CDR2: variants seen among roughly 807,000 people sequenced by gnomAD.
CDR2 encodes cerebellar degeneration-related protein 2.
Under a neutral mutation model 48.4 loss-of-function variants are expected in CDR2, and 34 were observed. That is an observed-to-expected ratio of 0.70 (90% CI 0.53 to 0.94). The LOEUF is 0.94. Among genes scored for constraint, CDR2 ranks in the 40% least tolerant of loss-of-function variants. The pLI is 0.00. For synonymous variants in CDR2, 240 were observed against 219.7 expected (o/e 1.09, Z -0.82); for missense variants, 498 against 549.5 (o/e 0.91, Z 0.94).
At chr16:22,359,850 G>A (rs1183799405) in intron 2 of CDR2, among the ~76,000 whole-genome samples, 2 of 150,956 alleles carry the variant, frequency 1.3e-5, no homozygotes, top group East Asian at 1.9e-4. Flanking sequence ...ACAAAGTATT[G>A]ATTACCTAGT....
chr16:22,356,710 G>A (rs1032441266), intron 2 of CDR2, among the ~76,000 whole-genome samples: 1 of 151,924 alleles, frequency 6.6e-6, no homozygotes, highest in Admixed American at 6.6e-5. Flanking sequence ...CCGAGATCAC[G>A]CCACTGCACT....
rs12051316 is a variant in CDR2 at position 22,355,351 on chromosome 16, G to A, written c.193-5502C>T. ...CTAATGCCTTTACGATCCCCTATCCGGGGGGATGCAGTTCTCCTGGCTGCT... is the reference window on the plus strand; with the variant it reads ...CTAATGCCTTTACGATCCCCTATCCAGGGGGATGCAGTTCTCCTGGCTGCT... On this transcript the variant is annotated intron_variant, in intron 2 of 4. Transcript: ENST00000268383. Among the ~76,000 whole-genome samples, 94 of 152,240 alleles carry A rather than the reference G, an allele frequency of 6.2e-4. 1 individual carries two copies. Among genetic ancestry groups the A allele is most frequent in the East Asian group, 1.2e-3 (6 of 5,184 alleles).
rs2049035955 is a variant in CDR2, at chr16:22,364,981, A to C, written c.113T>G (p.Leu38Ter). The C allele has an allele frequency of 6.2e-7, 1 of 1,613,294 alleles. No homozygotes were observed. Among genetic ancestry groups the C allele is most frequent in the African/African-American group, 1.3e-5 (1 of 74,902 alleles). The change falls in exon 2 of 5, where the codon TTA becomes TGA. Residue 38 changes from leucine to a stop codon, truncating the protein, a stop_gained. Coordinates refer to ENST00000268383, the MANE Select transcript of CDR2 (RefSeq NM_001802.2). LOFTEE classifies it high-confidence loss of function. Reference sequence around the variant, plus strand: ...CTCCAACTCTGTGTTCCGATCCAGTAATGTCTTCCCAAGCTCAGCAGCAAG... The same window carrying C: ...CTCCAACTCTGTGTTCCGATCCAGTCATGTCTTCCCAAGCTCAGCAGCAAG... Reference protein sequence around the residue: ...LQLAAELGKTLLDRNTELEDS... With the variant: ...LQLAAELGKT
At position 22,349,844 on chromosome 16, in the gene CDR2, C is replaced by T; in HGVS notation, c.198G>A (p.Leu66=). The T allele has an allele frequency of 6.2e-7, 1 of 1,614,032 alleles. No homozygotes were observed. The highest frequency in any genetic ancestry group is 8.5e-7 in the Non-Finnish European group (1 of 1,179,920). ...GCCGTAGAAGTTCCACTTGCTTCGTCAGATACTGTAAGAGAAGATCAGGAC... is the reference window on the plus strand; with the variant it reads ...GCCGTAGAAGTTCCACTTGCTTCGTTAGATACTGTAAGAGAAGATCAGGAC... The part of the protein sequence containing the change: ...NQEQLQEIEY[L]TKQVELLRQM... Residue 66 remains leucine, a synonymous_variant, in exon 3 of 5, where the codon CTG becomes CTA. Coordinates refer to ENST00000268383, the MANE Select transcript of CDR2 (RefSeq NM_001802.2).
Position 22,374,202 on chromosome 16 carries a change from G to A in CDR2, c.79+29C>T, listed in dbSNP as rs775275755. 5 of 1,514,732 alleles carry A rather than the reference G, an allele frequency of 3.3e-6. No individual in the cohort carries two copies. In the South Asian group the frequency reaches 3.5e-5, roughly 11 times the overall value. The allele number at this position is 1,514,732 out of a possible 1,614,324, so 93.8% of individuals were successfully genotyped here. ...CGGGGGCCTCCCGGGCCAGGCCGCC[G>A]CCCGCCCGCGGGGCGCCCCCGCCCT... On this transcript the variant is annotated intron_variant, in intron 1 of 4. Transcript: ENST00000268383.
chr16:22,357,683 A>G (rs1436027971), intron 2 of CDR2, among the ~76,000 whole-genome samples: 1 of 152,214 alleles, frequency 6.6e-6, no homozygotes, highest in African/African-American at 2.4e-5. Context: ...TTCCTACCAG[A>G]TACCAGATGG....
intron 2 of CDR2, among the ~76,000 whole-genome samples, chr16:22,361,127 G>A (rs80210394): frequency 0.054 from 8,280 of 152,190 alleles, 285 homozygotes; most frequent in South Asian, 0.16. Context: ...TTCCATTCAC[G>A]TAAAGGTCAA....
chr16:22,349,288 T>A lies in CDR2; in HGVS notation c.497A>T (p.Asp166Val). ...PSFACLKELY[D>V]LRQHFVYDHV... ...AAAGGCAGGCTCTTACTGGCGGAGG[T>A]CATACAGCTCCTTCAGACATGCAAA... The change falls in exon 4 of 5, where the codon GAC becomes GTC. Residue 166 changes from aspartate (D) to valine (V), a missense_variant. Asp to Val is a radical substitution (Grantham distance 152, BLOSUM62 -3). Transcript: ENST00000268383. 2 of 1,614,074 alleles carry A rather than the reference T, an allele frequency of 1.2e-6. No homozygotes were observed. The highest frequency in any genetic ancestry group is 4.5e-5 in the East Asian group (2 of 44,880).
chr16:22,349,058 T>C, intron 4 of CDR2: 1 of 472,932 alleles, frequency 2.1e-6, no homozygotes, highest in Non-Finnish European at 3.8e-6. Flanking sequence ...ATTTAATACA[T>C]TAAAAACACT....
Position 22,349,440 on chromosome 16 carries a change from C to G in CDR2, c.345G>C (p.Leu115=). ...SKASQQKILS[L]TETIECLQTN... is the part of the protein sequence containing the mutation. Reference sequence around the variant, plus strand: ...TTTGCAGGCATTCAATCGTTTCAGTCAGGCTGTGAGGAACAGACAGAAGCC... The same window carrying G: ...TTTGCAGGCATTCAATCGTTTCAGTGAGGCTGTGAGGAACAGACAGAAGCC... The change falls in exon 4 of 5, where the codon CTG becomes CTC. Residue 115 remains leucine (L), a synonymous_variant. Coordinates refer to ENST00000268383, the MANE Select transcript of CDR2 (RefSeq NM_001802.2). 6.2e-7 allele frequency: 1 copy of G among 1,614,058 alleles called. No homozygotes were observed. Among genetic ancestry groups the G allele is most frequent in the Non-Finnish European group, 8.5e-7 (1 of 1,180,012 alleles).
At chr16:22,348,036 C>G (rs2048919295) in intron 4 of CDR2, among the ~76,000 whole-genome samples, 1 of 152,070 alleles carries the variant, frequency 6.6e-6, no homozygotes, top group Non-Finnish European at 1.5e-5. Context: ...CTCCCAGGTT[C>G]AAGCGATTCT....
In CDR2 at chr16:22,347,001, C is replaced by T; in HGVS notation, c.1329G>A (p.Gln443=). ...IKKTKQEIDE[Q]RTKYRSLSSH... ...AGGAGAGTGATCGGTATTTTGTTCT[C>T]TGTTCATCTATTTCCTGCTTAGTTT... The change falls in exon 5 of 5, where the codon CAG becomes CAA. Residue 443 remains glutamine (Q), a synonymous_variant. Transcript: ENST00000268383. 2 of 1,613,576 alleles carry T rather than the reference C, an allele frequency of 1.2e-6. No individual in the cohort carries two copies.
chr16:22,349,240 C>A, intron 4 of CDR2, 39 bp downstream of exon 4: 1 of 1,606,898 alleles, frequency 6.2e-7, no homozygotes, highest in East Asian at 2.2e-5. Context: ...TGACATGAGA[C>A]AGTCCCTGCT....
At chr16:22,348,944 C>T (rs2048924075) in intron 4 of CDR2, among the ~76,000 whole-genome samples, 1 of 152,074 alleles carries the variant, frequency 6.6e-6, no homozygotes, top group Non-Finnish European at 1.5e-5. Flanking sequence ...CAAAAAATCT[C>T]CTGTTCGCTT....
At chr16:22,356,149 T>A (rs2048972849) in intron 2 of CDR2, among the ~76,000 whole-genome samples, 1 of 152,222 alleles carries the variant, frequency 6.6e-6, no homozygotes, top group Non-Finnish European at 1.5e-5. Context: ...TTTACTTTTT[T>A]CAATATTTGA....
chr16:22,360,777 T>A (rs2049006289), intron 2 of CDR2, among the ~76,000 whole-genome samples: 1 of 133,358 alleles, frequency 7.5e-6, no homozygotes, highest in African/African-American at 2.9e-5. Flanking sequence ...TGAGACGGAG[T>A]TTCACTCTTT....
At chr16:22,349,004 C>T (rs1402712367) in intron 4 of CDR2, among the ~76,000 whole-genome samples, 2 of 152,138 alleles carry the variant, frequency 1.3e-5, no homozygotes, top group East Asian at 3.8e-4. Context: ...TAATGTAAAA[C>T]ACAACTCCCA....
chr16:22,372,978 C>T (rs2049088282), intron 1 of CDR2, among the ~76,000 whole-genome samples: 1 of 152,136 alleles, frequency 6.6e-6, no homozygotes, highest in Non-Finnish European at 1.5e-5. Context: ...AGCATTTACA[C>T]AGAATTGCAG....
At chr16:22,358,864 G>A (rs2048993515) in intron 2 of CDR2, among the ~76,000 whole-genome samples, 1 of 152,094 alleles carries the variant, frequency 6.6e-6, no homozygotes, top group South Asian at 2.1e-4. Context: ...TCTATTTCCA[G>A]TAATTCTGGA....
Sources: gnomAD v4.1 joint callset for allele counts (sites outside exome capture counted in the v4.1 genomes callset) on GRCh38, gnomAD v4.1.1 for gene constraint, MANE v1.5 for transcripts, NCBI Gene and HGNC (gene_info 2026-07-23, HGNC 2026-07-21) for gene names.